The following NT5DC1 variants were observed in gnomAD, a reference collection of about 807,000 sequenced individuals.
The protein encoded by NT5DC1 is 5'-nucleotidase domain-containing protein 1.
In NT5DC1, 42 loss-of-function variants were observed where a neutral mutation model predicts 59.4. The observed-to-expected ratio is 0.71, with a 90% CI of 0.55 to 0.92. NT5DC1 has a LOEUF of 0.92. NT5DC1 is among the 40% of genes least tolerant of loss of function. NT5DC1 has a pLI of 0.00. For missense variants in NT5DC1, 501 were observed against 537.1 expected (o/e 0.93, Z 0.66); for synonymous variants, 172 against 188.1 (o/e 0.91, Z 0.70).
chr6:116,178,110 CGTGT>C (rs368898636), intron 6 of NT5DC1, among the ~76,000 whole-genome samples: 2,633 of 117,508 alleles, frequency 0.022, 46 homozygotes, highest in African/African-American at 0.051. Context: ...CGCGTGCGTG[CGTGT>C]GTGTGTGTGT....
chr6:116,138,725 C>G (rs1372565162), intron 6 of NT5DC1, among the ~76,000 whole-genome samples: 2 of 152,178 alleles, frequency 1.3e-5, no homozygotes, highest in Middle Eastern at 3.4e-3. Flanking sequence ...TGAATCCTTA[C>G]TAATGGGGTA....
intron 6 of NT5DC1, among the ~76,000 whole-genome samples, chr6:116,176,507 C>T (rs957941937): frequency 6.6e-6 from 1 of 152,164 alleles, no homozygotes; most frequent in South Asian, 2.1e-4. Context: ...TTGCAGCTGA[C>T]ATTAGCAGAA....
intron 6 of NT5DC1, chr6:116,120,834 C>T (rs371658940): frequency 6.2e-7 from 1 of 1,613,886 alleles, no homozygotes; most frequent in Non-Finnish European, 8.5e-7. Flanking sequence ...CCCTTTGCTC[C>T]TGCTGGGCCC....
rs75742230 is a variant in NT5DC1, at chr6:116,100,901, G to C, written c.-30G>C. ...CCAGCTCCTTGCACCCTTCGCGGCC[G>C]AGGCGCTCCCTGGTGCTCCCCGCGC... is the stretch of plus-strand genomic sequence containing the variant. On this transcript the variant is annotated 5_prime_UTR_variant, in exon 1 of 12. Coordinates refer to ENST00000319550, the MANE Select transcript of NT5DC1 (RefSeq NM_152729.3). 866 of 1,566,038 alleles carry C rather than the reference G, an allele frequency of 5.5e-4. 4 individuals are homozygous for C. The African/African-American group carries it at 9.6e-3, about 17-fold the overall frequency.
intron 2 of NT5DC1, among the ~76,000 whole-genome samples, chr6:116,107,684 T>A (rs1199455924): frequency 6.6e-6 from 1 of 151,716 alleles, no homozygotes; most frequent in Non-Finnish European, 1.5e-5. Context: ...GCCATTCTCC[T>A]GCCTCAGCCT....
intron 6 of NT5DC1, among the ~76,000 whole-genome samples, chr6:116,154,094 A>G (rs924748811): frequency 4.7e-5 from 7 of 149,820 alleles, no homozygotes; most frequent in African/African-American, 1.7e-4. Context: ...GACCAAAGAG[A>G]TGTTAAAACA....
intron 8 of NT5DC1, among the ~76,000 whole-genome samples, chr6:116,236,136 A>G (rs890164739): frequency 1.3e-5 from 2 of 152,374 alleles, no homozygotes; most frequent in South Asian, 2.1e-4. Flanking sequence ...TTTTAAAATC[A>G]GAAATCATAC....
At chr6:116,196,871 A>G (rs529201041) in intron 6 of NT5DC1, among the ~76,000 whole-genome samples, 58 of 151,816 alleles carry the variant, frequency 3.8e-4, no homozygotes, top group African/African-American at 1.3e-3. Flanking sequence ...AGACAGGGAA[A>G]GCAGATACTT....
At chr6:116,220,366 A>G (rs2114539819) in intron 6 of NT5DC1, among the ~76,000 whole-genome samples, 1 of 152,248 alleles carries the variant, frequency 6.6e-6, no homozygotes, top group South Asian at 2.1e-4. Context: ...CACTGCCACC[A>G]TCTGCCCTGG....
chr6:116,132,994 A>AT (rs1437236086), intron 6 of NT5DC1, among the ~76,000 whole-genome samples: 5 of 152,224 alleles, frequency 3.3e-5, no homozygotes, highest in Non-Finnish European at 7.3e-5. Flanking sequence ...AAATTCATGC[A>AT]TAAAAACAGG....
At chr6:116,121,986 A>G (rs1779146503) in intron 6 of NT5DC1, 2 of 1,593,852 alleles carry the variant, frequency 1.3e-6, no homozygotes, top group Non-Finnish European at 1.7e-6. Flanking sequence ...CAACACACCC[A>G]CCCATAGAAG....
At chr6:116,233,678 C>T (rs1045379837) in intron 8 of NT5DC1, among the ~76,000 whole-genome samples, 1 of 152,194 alleles carries the variant, frequency 6.6e-6, no homozygotes, top group South Asian at 2.1e-4. Flanking sequence ...CTGGCTCTTA[C>T]TATAACATTT....
At chr6:116,123,894 C>T (rs576524780) in intron 6 of NT5DC1, among the ~76,000 whole-genome samples, 1 of 152,218 alleles carries the variant, frequency 6.6e-6, no homozygotes, top group East Asian at 1.9e-4. Context: ...CTTTTTAATT[C>T]AAGACTTTGT....
intron 6 of NT5DC1, among the ~76,000 whole-genome samples, chr6:116,166,911 C>T (rs890814281): frequency 6.6e-6 from 1 of 152,034 alleles, no homozygotes; most frequent in African/African-American, 2.4e-5. Flanking sequence ...AGAATTGAGC[C>T]AAAGAATTGA....
chr6:116,105,483 C>T (rs7755824), intron 1 of NT5DC1, among the ~76,000 whole-genome samples: 117 of 152,288 alleles, frequency 7.7e-4, no homozygotes, highest in African/African-American at 2.7e-3. Context: ...TCAAGTTTAC[C>T]CAACACTGGC....
In NT5DC1 at chr6:116,135,879, A is replaced by G. The variant is rs567997957; in HGVS notation, c.529+17934A>G. 9.6e-5 allele frequency among the ~76,000 whole-genome samples: 14 copies of G among 146,214 alleles called. No homozygotes were observed. In the East Asian group the frequency reaches 2.8e-3, roughly 30 times the overall value. On this transcript the variant is annotated intron_variant, in intron 6 of 11. Transcript: ENST00000319550. ...TATATATATATATATATATACACAC[A>G]TACACACACATTGCTAAATGGTTAC...
chr6:116,147,307 T>A (rs1316917764), intron 6 of NT5DC1, among the ~76,000 whole-genome samples: 2 of 151,990 alleles, frequency 1.3e-5, no homozygotes, highest in African/African-American at 4.8e-5. Context: ...CTGGGCGTGG[T>A]GGCATCTACC....
intron 6 of NT5DC1, among the ~76,000 whole-genome samples, chr6:116,134,534 G>A (rs1210012481): frequency 2.6e-5 from 4 of 152,168 alleles, no homozygotes; most frequent in African/African-American, 4.8e-5. Flanking sequence ...AACTAAGAGC[G>A]TCAGGACATC....
chr6:116,235,778 A>G (rs546526701), intron 8 of NT5DC1, among the ~76,000 whole-genome samples: 1 of 152,334 alleles, frequency 6.6e-6, no homozygotes, highest in East Asian at 1.9e-4. Context: ...GGAAAATTAG[A>G]TCTTAGTTAA....
Sources: allele counts gnomAD v4.1 joint callset (sites outside exome capture counted in the v4.1 genomes callset), GRCh38; gene constraint gnomAD v4.1.1; transcripts MANE v1.5; gene names NCBI Gene and HGNC (gene_info 2026-07-23, HGNC 2026-07-21).